PRKD1: variants seen among roughly 807,000 people sequenced by gnomAD.
PRKD1 encodes protein kinase D1.
Under a neutral mutation model 95.9 loss-of-function variants are expected in PRKD1, and 63 were observed. The observed-to-expected ratio is 0.66, with a 90% CI of 0.54 to 0.81. PRKD1 has a LOEUF of 0.81. PRKD1 is among the 30% of genes least tolerant of loss of function. The probability of loss-of-function intolerance (pLI) is 0.00; values close to 1 mark genes in which losing one functional copy is unlikely to be tolerated. For synonymous variants in PRKD1, 425 were observed against 423.1 expected, an observed-to-expected ratio of 1.00 and a Z score of -0.05; for missense variants, 1,048 against 1,165.3, an observed-to-expected ratio of 0.90 and a Z score of 1.47.
At chr14:29,646,424 G>A (rs1881124263) in intron 4 of PRKD1, among the ~76,000 whole-genome samples, 1 of 152,048 alleles carries the variant, frequency 6.6e-6, no homozygotes, top group Non-Finnish European at 1.5e-5. Flanking sequence ...AATCCTTAAA[G>A]TGAATGGATA....
chr14:29,859,094 T>C (rs906405329), intron 1 of PRKD1, among the ~76,000 whole-genome samples: 1 of 152,240 alleles, frequency 6.6e-6, no homozygotes, highest in Non-Finnish European at 1.5e-5. Context: ...CTTGCAAAGA[T>C]TCATACATTA....
At chr14:29,609,787 G>A (rs1446308014) in intron 13 of PRKD1, among the ~76,000 whole-genome samples, 3 of 143,036 alleles carry the variant, frequency 2.1e-5, no homozygotes, top group African/African-American at 7.8e-5. Context: ...TCGAACTCCT[G>A]GCCTCAAGTG....
intron 1 of PRKD1, among the ~76,000 whole-genome samples, chr14:29,779,193 CA>C: frequency 6.6e-6 from 1 of 152,130 alleles, no homozygotes; most frequent in East Asian, 1.9e-4. Context: ...ACTGAATGGG[CA>C]AAAACGGGAA....
intron 1 of PRKD1, among the ~76,000 whole-genome samples, chr14:29,726,467 G>T (rs1886148303): frequency 6.6e-6 from 1 of 152,156 alleles, no homozygotes; most frequent in Non-Finnish European, 1.5e-5. Context: ...AGTGGGAAAA[G>T]ATGCAAACTC....
rs1325172527 is a variant in PRKD1, at chr14:29,849,574, C to A, written c.264+77675G>T. Among the ~76,000 whole-genome samples, 769 of 139,742 alleles carry A rather than the reference C, an allele frequency of 5.5e-3. 3 individuals are homozygous for A. The highest frequency in any genetic ancestry group is 0.01 in the African/African-American group (345 of 34,122). 91.7% of individuals were successfully genotyped at this position (139,742 alleles called of 152,430 possible). Reference sequence around the variant, plus strand: ...TGAAGTAAAACAACAACAACAACAACAACAAAAAAAAAACTACCAATCAGA... The same window carrying A: ...TGAAGTAAAACAACAACAACAACAAAAACAAAAAAAAAACTACCAATCAGA... On this transcript the variant is annotated intron_variant, in intron 1 of 17. Coordinates refer to ENST00000331968, the MANE Select transcript of PRKD1 (RefSeq NM_002742.3).
chr14:29,651,849 A>G (rs1315829131), intron 4 of PRKD1, among the ~76,000 whole-genome samples: 1 of 152,062 alleles, frequency 6.6e-6, no homozygotes, highest in Admixed American at 6.5e-5. Flanking sequence ...GGTTCAAGTG[A>G]TACTCCTACC....
chr14:29,913,859 A>G (rs1247788602), intron 1 of PRKD1, among the ~76,000 whole-genome samples: 1 of 152,232 alleles, frequency 6.6e-6, no homozygotes, highest in Non-Finnish European at 1.5e-5. Flanking sequence ...TGACTAACAG[A>G]TATCTAGTAA....
intron 1 of PRKD1, among the ~76,000 whole-genome samples, chr14:29,748,903 T>G (rs1887353280): frequency 6.6e-6 from 1 of 152,150 alleles, no homozygotes; most frequent in Admixed American, 6.6e-5. Context: ...CTTAATGTTG[T>G]TTTGTCATGA....
chr14:29,737,483 T>C (rs981944734), intron 1 of PRKD1, among the ~76,000 whole-genome samples: 1 of 152,076 alleles, frequency 6.6e-6, no homozygotes, highest in African/African-American at 2.4e-5. Flanking sequence ...TCATTAAATA[T>C]GATTCTCAAG....
intron 1 of PRKD1, among the ~76,000 whole-genome samples, chr14:29,808,290 T>G (rs1353092475): frequency 6.6e-6 from 1 of 151,826 alleles, no homozygotes; most frequent in Non-Finnish European, 1.5e-5. Context: ...ATGACTTTAT[T>G]TGTTCATCCA....
At chr14:29,920,025 GA>G (rs1895037990) in intron 1 of PRKD1, among the ~76,000 whole-genome samples, 4 of 130,080 alleles carry the variant, frequency 3.1e-5, no homozygotes, top group African/African-American at 1.0e-4. Context: ...GGGAAGGAAG[GA>G]AGGAAGGAAG....
intron 1 of PRKD1, among the ~76,000 whole-genome samples, chr14:29,861,945 C>T (rs1892725913): frequency 6.6e-6 from 1 of 152,162 alleles, no homozygotes; most frequent in Non-Finnish European, 1.5e-5. Flanking sequence ...AGCCACTGTG[C>T]CTGGCCCAAA....
intron 1 of PRKD1, among the ~76,000 whole-genome samples, chr14:29,814,482 T>A (rs1459900537): frequency 6.6e-6 from 1 of 152,232 alleles, no homozygotes. Flanking sequence ...ATTCTTAGGA[T>A]CCTGACTACA....
At chr14:29,642,151 C>T (rs573701769) in intron 4 of PRKD1, among the ~76,000 whole-genome samples, 1 of 152,146 alleles carries the variant, frequency 6.6e-6, no homozygotes, top group South Asian at 2.1e-4. Context: ...GATCCACCTG[C>T]CTCGAGCCTC....
chr14:29,587,576 T>C (rs1387095216), intron 16 of PRKD1, among the ~76,000 whole-genome samples: 1 of 152,246 alleles, frequency 6.6e-6, no homozygotes, highest in Non-Finnish European at 1.5e-5. Context: ...CTAAAACCTC[T>C]GAGCAGCTTC....
At chr14:29,649,616 T>G (rs1881361278) in intron 4 of PRKD1, among the ~76,000 whole-genome samples, 1 of 152,154 alleles carries the variant, frequency 6.6e-6, no homozygotes, top group African/African-American at 2.4e-5. Flanking sequence ...TTTTTTGACT[T>G]TGGTTATTAC....
chr14:29,795,270 A>G (rs944474981), intron 1 of PRKD1, among the ~76,000 whole-genome samples: 2 of 151,990 alleles, frequency 1.3e-5, no homozygotes, highest in African/African-American at 4.8e-5. Flanking sequence ...GTCTCTTTTT[A>G]TATATTTGAA....
chr14:29,617,123 G>C (rs1342353697), intron 13 of PRKD1, among the ~76,000 whole-genome samples: 1 of 152,158 alleles, frequency 6.6e-6, no homozygotes. Context: ...TTGCTGCAAA[G>C]ACATGATTTC....
intron 1 of PRKD1, among the ~76,000 whole-genome samples, chr14:29,732,571 T>G (rs949508015): frequency 4.6e-5 from 7 of 152,192 alleles, no homozygotes; most frequent in Admixed American, 1.3e-4. Flanking sequence ...TTCATGGATT[T>G]GTATAGAGCC....
Sources: allele counts gnomAD v4.1 joint callset (sites outside exome capture counted in the v4.1 genomes callset), GRCh38; gene constraint gnomAD v4.1.1; transcripts MANE v1.5; gene names NCBI Gene and HGNC (gene_info 2026-07-23, HGNC 2026-07-21).